ABLIM2: variants seen among roughly 807,000 people sequenced by gnomAD.
The protein encoded by ABLIM2 is actin-binding LIM protein 2.
Under a neutral mutation model 97.7 loss-of-function variants are expected in ABLIM2, and 53 were observed. That is an observed-to-expected ratio of 0.54 (90% CI 0.44 to 0.68). ABLIM2 has a LOEUF of 0.68. Among genes scored for constraint, ABLIM2 ranks in the 30% least tolerant of loss-of-function variants. The pLI, the probability that ABLIM2 is intolerant of heterozygous loss-of-function variation, is 0.00. For synonymous variants in ABLIM2, 361 were observed against 345.8 expected (o/e 1.04, Z -0.49); for missense variants, 835 against 867.2 (o/e 0.96, Z 0.47).
intron 1 of ABLIM2, among the ~76,000 whole-genome samples, chr4:8,117,743 C>G (rs1374166102): frequency 6.6e-6 from 1 of 152,164 alleles, no homozygotes; most frequent in Non-Finnish European, 1.5e-5. Context: ...ACTTTATTAT[C>G]TCCTGGGCAT....
chr4:8,096,980 C>T, intron 3 of ABLIM2, 119 bp downstream of exon 3: 1 of 1,277,586 alleles, frequency 7.8e-7, no homozygotes, highest in Non-Finnish European at 1.1e-6. Flanking sequence ...AACAGCCTCG[C>T]TGCAGGATGC....
At position 8,077,631 on chromosome 4, in the gene ABLIM2, C is replaced by G. The variant is rs745369746; in HGVS notation, c.672G>C (p.Leu224=). The G allele has an allele frequency of 6.2e-7, 1 of 1,609,576 alleles. No individual in the cohort carries two copies. Among genetic ancestry groups the G allele is most frequent in the Non-Finnish European group, 8.5e-7 (1 of 1,177,792 alleles). ...SCEKYITGRV[L]EAGEKHYHPS... Reference sequence around the variant, plus strand: ...GGGCCCGGCCCGCCGCGCTTACCTCCAGCACGCGCCCCGTGATGTATTTCT... The same window carrying G: ...GGGCCCGGCCCGCCGCGCTTACCTCGAGCACGCGCCCCGTGATGTATTTCT... Residue 224 remains leucine, a synonymous_variant, in exon 6 of 21, where the codon CTG becomes CTC. Transcript: ENST00000447017.
intron 5 of ABLIM2, among the ~76,000 whole-genome samples, chr4:8,080,023 A>G (rs2152435312): frequency 6.6e-6 from 1 of 152,204 alleles, no homozygotes; most frequent in East Asian, 1.9e-4. Flanking sequence ...CCAATCCCCC[A>G]GGGTTAAAAC....
Position 8,101,184 on chromosome 4 carries a change from G to A in ABLIM2, c.155-3902C>T, listed in dbSNP as rs1278176115. On this transcript the variant is annotated intron_variant, in intron 2 of 20. Transcript: ENST00000447017. The stretch of plus-strand genomic sequence containing the variant: ...GGCCTGAGTGAGCCTTAACCTGGGC[G>A]AGGGCTCCAGGGCTGGCCGGGCATC... 7.9e-5 allele frequency among the ~76,000 whole-genome samples: 12 copies of A among 152,364 alleles called. No individual in the cohort carries two copies. In the East Asian group the frequency reaches 1.9e-3, roughly 24 times the overall value.
intron 9 of ABLIM2, among the ~76,000 whole-genome samples, chr4:8,040,701 G>C (rs1164311615): frequency 1.3e-5 from 2 of 152,162 alleles, no homozygotes; most frequent in African/African-American, 4.8e-5. Context: ...TTGGTGAAGA[G>C]CCGGACCGTG....
At chr4:8,134,779 T>C (rs1345594067) in intron 1 of ABLIM2, among the ~76,000 whole-genome samples, 3 of 152,236 alleles carry the variant, frequency 2.0e-5, no homozygotes, top group South Asian at 2.1e-4. Flanking sequence ...TTGGTACAGG[T>C]ACAAATCAGG....
intron 9 of ABLIM2, among the ~76,000 whole-genome samples, chr4:8,038,310 C>A (rs1229903649): frequency 1.3e-5 from 2 of 152,226 alleles, no homozygotes; most frequent in Non-Finnish European, 2.9e-5. Flanking sequence ...CTCTAAAGCC[C>A]ATGCTCCCCA....
At chr4:7,975,411 T>G (rs546902902) in intron 20 of ABLIM2, among the ~76,000 whole-genome samples, 1 of 152,170 alleles carries the variant, frequency 6.6e-6, no homozygotes, top group Non-Finnish European at 1.5e-5. Flanking sequence ...TGGAAGAGGA[T>G]GATCACAGCT....
intron 6 of ABLIM2, among the ~76,000 whole-genome samples, chr4:8,062,301 G>A (rs1484866210): frequency 2.0e-5 from 3 of 152,198 alleles, no homozygotes; most frequent in Non-Finnish European, 4.4e-5. Context: ...CTGGCACCTG[G>A]GCCACGTCAG....
chr4:8,077,403 GGCACAGAAGAGA>G (rs1474691687), intron 6 of ABLIM2, among the ~76,000 whole-genome samples: 1 of 152,218 alleles, frequency 6.6e-6, no homozygotes, highest in African/African-American at 2.4e-5. Flanking sequence ...TTTGTCAAGA[GGCACAGAAGAGA>G]GCATCACAAG....
chr4:8,106,366 T>G, intron 2 of ABLIM2, 128 bp downstream of exon 2: 1 of 1,286,616 alleles, frequency 7.8e-7, no homozygotes, highest in Non-Finnish European at 1.1e-6. Flanking sequence ...CTCTGAAGAT[T>G]CTGTATCTGG....
chr4:8,060,155 C>T (rs1315310764), intron 7 of ABLIM2, among the ~76,000 whole-genome samples: 1 of 152,204 alleles, frequency 6.6e-6, no homozygotes, highest in East Asian at 1.9e-4. Context: ...TCTCCCTCCT[C>T]CCCTGCCACT....
At chr4:8,050,639 G>A (rs1376177649) in intron 8 of ABLIM2, among the ~76,000 whole-genome samples, 2 of 152,192 alleles carry the variant, frequency 1.3e-5, no homozygotes, top group Non-Finnish European at 2.9e-5. Context: ...AGGTCTGCCT[G>A]CCTTCTGCAT....
Position 8,061,206 on chromosome 4 carries a change from A to C in ABLIM2, c.676-152T>G, listed in dbSNP as rs1403508341. Among the ~76,000 whole-genome samples the C allele has an allele frequency of 1.7e-5, 2 of 119,420 alleles. No individual in the cohort carries two copies. The highest frequency in any genetic ancestry group is 6.8e-5 in the African/African-American group (2 of 29,320). 78.3% of individuals were successfully genotyped at this position (119,420 alleles called of 152,430 possible). On this transcript the variant is annotated intron_variant, in intron 6 of 20. Coordinates refer to ENST00000447017, the MANE Select transcript of ABLIM2 (RefSeq NM_001130083.2). This position sits in a 1 kb window ranked among gnomAD's most constrained non-coding sequence, Gnocchi z 4.5. ...CCACCATCGGGACCCAAGACCCCTGAGCAGAGCCCAGACCCGGGGGTGCCC... is the reference window on the plus strand; with the variant it reads ...CCACCATCGGGACCCAAGACCCCTGCGCAGAGCCCAGACCCGGGGGTGCCC...
At chr4:8,084,744 C>G in intron 4 of ABLIM2, among the ~76,000 whole-genome samples, 1 of 152,214 alleles carries the variant, frequency 6.6e-6, no homozygotes, top group Non-Finnish European at 1.5e-5. Flanking sequence ...TTCCCCAGGC[C>G]AAGCCCATTT....
chr4:8,016,931 C>T lies in ABLIM2; in HGVS notation c.1423+2687G>A, dbSNP rs541580876. On this transcript the variant is annotated intron_variant, in intron 14 of 20. Transcript: ENST00000447017. ...CTCTTCGGGTGCATATATGGCTTGC[C>T]ACAGCCATGCATCTCGGATTAGAAT... Among the ~76,000 whole-genome samples, 25 of 152,330 alleles carry T rather than the reference C, an allele frequency of 1.6e-4. No individual in the cohort carries two copies. The South Asian group carries it at 5.2e-3, about 32-fold the overall frequency.
At chr4:8,030,635 G>C (rs1780349555) in intron 10 of ABLIM2, among the ~76,000 whole-genome samples, 7 of 152,200 alleles carry the variant, frequency 4.6e-5, no homozygotes, top group Admixed American at 4.6e-4. Context: ...GTTCCTACCT[G>C]CGCTTCACCC....
At position 8,127,584 on chromosome 4, in the gene ABLIM2, C is replaced by T; in HGVS notation, c.11-20947G>A. On this transcript the variant is annotated intron_variant, in intron 1 of 20. Transcript: ENST00000447017. This position sits in a 1 kb window ranked among gnomAD's most constrained non-coding sequence, Gnocchi z 7.3. ...CTGGCACCCCCATGGAGCGTGGCTG[C>T]TTGCAAAGGGCCAGCGGGTCGGCGG... The T allele has an allele frequency of 1.6e-6, 2 of 1,289,698 alleles. No homozygotes were observed. Among genetic ancestry groups the T allele is most frequent in the Non-Finnish European group, 2.0e-6 (2 of 988,776 alleles). 79.9% of individuals were successfully genotyped at this position (1,289,698 alleles called of 1,614,324 possible).
At chr4:8,136,720 A>G (rs1000425699) in intron 1 of ABLIM2, among the ~76,000 whole-genome samples, 1 of 152,242 alleles carries the variant, frequency 6.6e-6, no homozygotes, top group Admixed American at 6.5e-5. Flanking sequence ...AGGAAGGTGC[A>G]TGACATTTTC....
Sources: gnomAD v4.1 joint callset for allele counts (sites outside exome capture counted in the v4.1 genomes callset) on GRCh38, gnomAD v4.1.1 for gene constraint, Gnocchi (gnomAD v3.1) non-coding constraint, MANE v1.5 for transcripts, NCBI Gene and HGNC (gene_info 2026-07-23, HGNC 2026-07-21) for gene names.